HADH: variants seen among roughly 807,000 people sequenced by gnomAD.
HADH encodes hydroxyacyl-coenzyme A dehydrogenase, mitochondrial.
HADH carries 24 observed loss-of-function variants against 32.2 expected under a neutral mutation model. The observed-to-expected ratio is 0.75, with a 90% CI of 0.54 to 1.05. The LOEUF (loss-of-function observed/expected upper bound fraction) is 1.05. Among genes scored for constraint, HADH ranks in the 50% least tolerant of loss-of-function variants. The pLI, the probability that HADH is intolerant of heterozygous loss-of-function variation, is 0.00. For missense variants in HADH, 350 were observed against 397.1 expected, an observed-to-expected ratio of 0.88 and a Z score of 1.01; for synonymous variants, 139 against 152.5, an observed-to-expected ratio of 0.91 and a Z score of 0.65.
intron 3 of HADH, 96 bp downstream of exon 3, chr4:108,014,684 G>C (rs374181240): frequency 6.3e-6 from 7 of 1,114,318 alleles, no homozygotes; most frequent in Middle Eastern, 2.2e-4. Flanking sequence ...GTGAGTACAA[G>C]TGCAGTTTTG....
At chr4:107,994,105 T>TC (rs1734888748) in intron 1 of HADH, among the ~76,000 whole-genome samples, 1 of 152,124 alleles carries the variant, frequency 6.6e-6, no homozygotes, top group South Asian at 2.1e-4. Context: ...ACTTCAGATG[T>TC]CCCCCTTGAG....
intron 4 of HADH, among the ~76,000 whole-genome samples, 196 bp downstream of exon 4, chr4:108,019,862 A>G (rs530999953): frequency 1.3e-5 from 2 of 152,262 alleles, no homozygotes; most frequent in African/African-American, 4.8e-5. Context: ...GCTTAGTGAT[A>G]TCCAGAAAGG....
chr4:107,999,859 A>G (rs1560723163), intron 1 of HADH, among the ~76,000 whole-genome samples: 1 of 152,322 alleles, frequency 6.6e-6, no homozygotes, highest in East Asian at 1.9e-4. Context: ...AAGTTATAAT[A>G]GTTTACATAC....
At chr4:108,003,094 A>G (rs1288057633) in intron 1 of HADH, among the ~76,000 whole-genome samples, 1 of 139,878 alleles carries the variant, frequency 7.1e-6, no homozygotes, top group Non-Finnish European at 1.5e-5. Flanking sequence ...TGGCTAAATC[A>G]GTGTCTTAGT....
At chr4:107,994,539 T>G (rs891940071) in intron 1 of HADH, among the ~76,000 whole-genome samples, 1 of 152,198 alleles carries the variant, frequency 6.6e-6, no homozygotes, top group African/African-American at 2.4e-5. Flanking sequence ...ACAGCTCTGT[T>G]GAGCTGTACA....
At chr4:108,003,937 TGAG>T (rs1735205063) in intron 1 of HADH, among the ~76,000 whole-genome samples, 1 of 152,130 alleles carries the variant, frequency 6.6e-6, no homozygotes, top group South Asian at 2.1e-4. Context: ...GTTTTATAGA[TGAG>T]GAGACAGCCT....
intron 1 of HADH, among the ~76,000 whole-genome samples, chr4:108,007,002 C>G (rs759817486): frequency 6.6e-6 from 1 of 152,168 alleles, no homozygotes; most frequent in Non-Finnish European, 1.5e-5. Flanking sequence ...TCTTGGAAAA[C>G]GCAGATTATG....
At chr4:108,023,320 T>C (rs1560735874) in intron 4 of HADH, among the ~76,000 whole-genome samples, 154 bp from the exon 5 acceptor site, 1 of 152,190 alleles carries the variant, frequency 6.6e-6, no homozygotes, top group Non-Finnish European at 1.5e-5. Context: ...TTTTGGGAAA[T>C]ACATTGTTTC....
intron 1 of HADH, among the ~76,000 whole-genome samples, chr4:107,997,584 AT>A (rs1734994751): frequency 6.6e-6 from 1 of 152,036 alleles, no homozygotes; most frequent in African/African-American, 2.4e-5. Context: ...GTCTAAAAAT[AT>A]TTCCTCTCTG....
intron 2 of HADH, among the ~76,000 whole-genome samples, chr4:108,011,959 A>G (rs1735510392): frequency 6.6e-6 from 1 of 152,088 alleles, no homozygotes; most frequent in Non-Finnish European, 1.5e-5. Flanking sequence ...TGGCATGATC[A>G]TAGTTCACTA....
intron 6 of HADH, chr4:108,032,802 T>A: frequency 3.0e-6 from 1 of 332,562 alleles, no homozygotes; most frequent in South Asian, 2.9e-5. Flanking sequence ...GGCCAAATGG[T>A]GAAACCCTAT....
In HADH at chr4:108,034,438, T is replaced by G; in HGVS notation, c.*81T>G. The G allele has an allele frequency of 1.2e-6, 1 of 807,946 alleles. No homozygotes were observed. Among genetic ancestry groups the G allele is most frequent in the Non-Finnish European group, 2.2e-6 (1 of 444,706 alleles). 50.0% of individuals were successfully genotyped at this position (807,946 alleles called of 1,614,324 possible). On this transcript the variant is annotated 3_prime_UTR_variant, in exon 8 of 8. Transcript: ENST00000309522. ...CCCGAGTGCCTGTGGGAATGCTCTT[T>G]GGTCAGACATTCCCTCACACAGTAC...
intron 2 of HADH, 90 bp downstream of exon 2, chr4:108,009,977 C>CTTTTTTTTTTTTTT (rs11388783): frequency 5.8e-5 from 32 of 552,014 alleles, no homozygotes; most frequent in South Asian, 1.5e-4. Context: ...TTCTTTCTTT[C>CTTTTTTTTTTTTTT]TTTTTTTTTT....
At chr4:108,013,026 G>A (rs1245120896) in intron 2 of HADH, among the ~76,000 whole-genome samples, 1 of 152,152 alleles carries the variant, frequency 6.6e-6, no homozygotes, top group African/African-American at 2.4e-5. Flanking sequence ...TCCACCTCCC[G>A]GGTTCACGCC....
intron 1 of HADH, among the ~76,000 whole-genome samples, chr4:108,007,095 T>TTTTG (rs375918237): frequency 3.8e-4 from 58 of 152,042 alleles, no homozygotes; most frequent in Admixed American, 8.5e-4. Context: ...AGGCTTAAGT[T>TTTTG]TTTGTTTGTT....
intron 1 of HADH, among the ~76,000 whole-genome samples, chr4:107,995,028 G>C (rs1302968608): frequency 6.6e-6 from 1 of 152,070 alleles, no homozygotes; most frequent in Non-Finnish European, 1.5e-5. Flanking sequence ...CCCCTTGCTT[G>C]AGTTTCTTCT....
chr4:108,018,095 G>A (rs1436494732), intron 3 of HADH, among the ~76,000 whole-genome samples: 35 of 152,054 alleles, frequency 2.3e-4, no homozygotes, highest in Admixed American at 2.3e-3. Context: ...TCCCCTTTTT[G>A]CAGGTGAATG....
At chr4:108,018,378 C>CA (rs1560733165) in intron 3 of HADH, among the ~76,000 whole-genome samples, 1 of 151,980 alleles carries the variant, frequency 6.6e-6, no homozygotes. Flanking sequence ...CCCCAATGAC[C>CA]AAAAGCAAGA....
chr4:108,027,082 A>T (rs567451755), intron 5 of HADH: 1 of 162,514 alleles, frequency 6.2e-6, no homozygotes, highest in Non-Finnish European at 1.4e-5. Flanking sequence ...CCCTCAAGTC[A>T]GCTCCACTGC....
Sources: allele counts gnomAD v4.1 joint callset (sites outside exome capture counted in the v4.1 genomes callset), GRCh38; gene constraint gnomAD v4.1.1; transcripts MANE v1.5; gene names NCBI Gene and HGNC (gene_info 2026-07-23, HGNC 2026-07-21).